The following LNX2 variants were observed in gnomAD, a reference collection of about 807,000 sequenced individuals.
LNX2 encodes the protein ligand of Numb protein X 2.
In LNX2, 35 loss-of-function variants were observed where a neutral mutation model predicts 66.2. That is an observed-to-expected ratio of 0.53 (90% CI 0.40 to 0.70). The LOEUF is 0.70. Among genes scored for constraint, LNX2 ranks in the 30% least tolerant of loss-of-function variants. The pLI is 0.00. For synonymous variants in LNX2, 337 were observed against 315.6 expected, an observed-to-expected ratio of 1.07 and a Z score of -0.72; for missense variants, 791 against 850.8, an observed-to-expected ratio of 0.93 and a Z score of 0.87.
At chr13:27,586,468 C>G (rs1380880764) in intron 1 of LNX2, among the ~76,000 whole-genome samples, 2 of 152,174 alleles carry the variant, frequency 1.3e-5, no homozygotes, top group Admixed American at 1.3e-4. Flanking sequence ...GCTGTACTGC[C>G]TCACACTACT....
chr13:27,568,852 T>C (rs1955238914), intron 3 of LNX2, among the ~76,000 whole-genome samples, 177 bp downstream of exon 3: 1 of 152,208 alleles, frequency 6.6e-6, no homozygotes, highest in Non-Finnish European at 1.5e-5. Context: ...ACTGTTAGAA[T>C]TGTACAATGA....
Position 27,594,447 on chromosome 13 carries a change from C to T in LNX2, c.-100-12644G>A, listed in dbSNP as rs978953484. Reference sequence around the variant, plus strand: ...GTCAATTTTCATGTAATTGAATACACTCACTTTTCCCTTTGAGAGTTCTTC... The same window carrying T: ...GTCAATTTTCATGTAATTGAATACATTCACTTTTCCCTTTGAGAGTTCTTC... On this transcript the variant is annotated intron_variant, in intron 1 of 9. Transcript: ENST00000316334. Among the ~76,000 whole-genome samples the T allele has an allele frequency of 3.9e-5, 6 of 152,162 alleles. No individual in the cohort carries two copies. In the East Asian group the frequency reaches 1.2e-3, roughly 29 times the overall value.
At chr13:27,556,574 G>A (rs989747435) in intron 6 of LNX2, among the ~76,000 whole-genome samples, 161 bp from the exon 7 acceptor site, 8 of 152,140 alleles carry the variant, frequency 5.3e-5, no homozygotes, top group African/African-American at 1.9e-4. Context: ...TAATAAGTCT[G>A]CTGTGGATCA....
At chr13:27,573,666 C>T (rs760083049) in intron 2 of LNX2, among the ~76,000 whole-genome samples, 1 of 151,922 alleles carries the variant, frequency 6.6e-6, no homozygotes, top group Admixed American at 6.6e-5. Context: ...CCATGGAAGA[C>T]GGGGAGATTT....
intron 1 of LNX2, among the ~76,000 whole-genome samples, chr13:27,587,977 C>T (rs1001931361): frequency 2.2e-5 from 3 of 134,894 alleles, no homozygotes; most frequent in Non-Finnish European, 3.0e-5. Context: ...GCCGAGATGG[C>T]GCCACTTCAC....
intron 1 of LNX2, among the ~76,000 whole-genome samples, chr13:27,598,466 C>T (rs1470405757): frequency 2.0e-5 from 3 of 152,076 alleles, no homozygotes; most frequent in African/African-American, 7.2e-5. Context: ...TCAATTTTGA[C>T]ATGTAAAAGG....
intron 3 of LNX2, among the ~76,000 whole-genome samples, chr13:27,568,147 T>C (rs1377897136): frequency 1.3e-5 from 2 of 152,160 alleles, no homozygotes; most frequent in Non-Finnish European, 2.9e-5. Flanking sequence ...GAGAGAAAAT[T>C]TGGACCACGA....
intron 1 of LNX2, among the ~76,000 whole-genome samples, chr13:27,586,593 A>C (rs1955489150): frequency 6.6e-6 from 1 of 152,256 alleles, no homozygotes; most frequent in East Asian, 1.9e-4. Flanking sequence ...TCTTTCAGCA[A>C]GTTTAGGTGA....
At chr13:27,553,889 T>C (rs1324450596) in intron 7 of LNX2, among the ~76,000 whole-genome samples, 2 of 152,236 alleles carry the variant, frequency 1.3e-5, no homozygotes, top group Admixed American at 6.5e-5. Flanking sequence ...GACAGCCCTG[T>C]ATAGTTTATT....
chr13:27,562,891 T>A, intron 4 of LNX2, 110 bp from the exon 5 acceptor site: 1 of 1,107,676 alleles, frequency 9.0e-7, no homozygotes. Flanking sequence ...GAGTGCTAAG[T>A]ATGGTGAGAA....
intron 5 of LNX2, among the ~76,000 whole-genome samples, chr13:27,561,119 T>C (rs1955130340): frequency 6.6e-6 from 1 of 152,244 alleles, no homozygotes; most frequent in Non-Finnish European, 1.5e-5. Flanking sequence ...AAACTATTTA[T>C]AACATCCAAA....
rs1268335868 is a variant in LNX2 at position 27,576,756 on chromosome 13, T to C, written c.407+4541A>G. ...AAAAAAAAGAAAAGAAAGGCCTCAA[T>C]AAAATTTAAAGGATTGAACAATACA... On this transcript the variant is annotated intron_variant, in intron 2 of 9. Transcript: ENST00000316334. Among the ~76,000 whole-genome samples the C allele has an allele frequency of 3.3e-5, 5 of 151,062 alleles. No homozygotes were observed. In the East Asian group the frequency reaches 5.8e-4, roughly 18 times the overall value.
intron 5 of LNX2, among the ~76,000 whole-genome samples, chr13:27,561,605 T>G (rs773069567): frequency 2.6e-5 from 4 of 152,258 alleles, no homozygotes; most frequent in Non-Finnish European, 5.9e-5. Flanking sequence ...AGTCTTAAAT[T>G]TTCATTGTTA....
At chr13:27,556,624 T>C (rs1453419439) in intron 6 of LNX2, among the ~76,000 whole-genome samples, 1 of 152,250 alleles carries the variant, frequency 6.6e-6, no homozygotes, top group East Asian at 1.9e-4. Flanking sequence ...TGACTGTTTA[T>C]GTAGCTGAAA....
chr13:27,572,802 G>A (rs561563750), intron 2 of LNX2, among the ~76,000 whole-genome samples: 15 of 152,282 alleles, frequency 9.9e-5, no homozygotes, highest in African/African-American at 3.6e-4. Context: ...TGGTAGTGCA[G>A]TAGAAACAAA....
rs549733209 is a variant in LNX2, at chr13:27,603,839, T to C, written c.-101+16536A>G. 8.5e-5 allele frequency among the ~76,000 whole-genome samples: 13 copies of C among 152,138 alleles called. 1 individual carries two copies. The East Asian group carries it at 2.5e-3, about 29-fold the overall frequency. The stretch of plus-strand genomic sequence containing the variant: ...CAAATTGGTGAAAAAATGACTATTA[T>C]GTATTCCACCAAAAAGGAGATGTCC... On this transcript the variant is annotated intron_variant, in intron 1 of 9. Coordinates refer to ENST00000316334, the MANE Select transcript of LNX2 (RefSeq NM_153371.4).
chr13:27,556,112 G>C (rs1176663279), intron 7 of LNX2, 124 bp downstream of exon 7: 1 of 890,298 alleles, frequency 1.1e-6, no homozygotes. Context: ...CATATGCAAG[G>C]GACAGTTTAA....
At chr13:27,550,280 T>A in intron 9 of LNX2, 53 bp downstream of exon 9, 1 of 1,533,012 alleles carries the variant, frequency 6.5e-7, no homozygotes, top group Non-Finnish European at 8.9e-7. Flanking sequence ...CTGGTCTAGA[T>A]CATGTCCAAT....
chr13:27,606,412 A>T (rs1955717423), intron 1 of LNX2, among the ~76,000 whole-genome samples: 1 of 151,970 alleles, frequency 6.6e-6, no homozygotes, highest in African/African-American at 2.4e-5. Context: ...CTCAAAAAAA[A>T]AAAAGGCTCA....
Sources: allele counts gnomAD v4.1 joint callset (sites outside exome capture counted in the v4.1 genomes callset), GRCh38; gene constraint gnomAD v4.1.1; transcripts MANE v1.5; gene names NCBI Gene and HGNC (gene_info 2026-07-23, HGNC 2026-07-21).